Variants in ARHGAP32 observed in about 807,000 individuals in gnomAD.
ARHGAP32 encodes Rho GTPase activating protein 32.
Under a neutral mutation model 186.5 loss-of-function variants are expected in ARHGAP32, and 51 were observed. The ratio of observed to expected loss-of-function variants is 0.27; its 90% confidence interval spans 0.22 to 0.35. The LOEUF (loss-of-function observed/expected upper bound fraction) is 0.35. Among genes scored for constraint, ARHGAP32 ranks in the 10% least tolerant of loss-of-function variants. The probability of loss-of-function intolerance (pLI) is 1.00; values close to 1 mark genes in which losing one functional copy is unlikely to be tolerated. For synonymous variants in ARHGAP32, 950 were observed against 964.3 expected, an observed-to-expected ratio of 0.99 and a Z score of 0.27; for missense variants, 2,186 against 2,623.5, an observed-to-expected ratio of 0.83 and a Z score of 3.64.
rs138649304 is a variant in ARHGAP32, at chr11:128,970,542, G to T, written c.4671C>A (p.Asn1557Lys). 37 of 1,614,172 alleles carry T rather than the reference G, an allele frequency of 2.3e-5. No individual in the cohort carries two copies. The highest frequency in any genetic ancestry group is 3.1e-5 in the Non-Finnish European group (37 of 1,180,026). The change falls in exon 23 of 23, where the codon AAC becomes AAA. Residue 1557 changes from asparagine to lysine, a missense_variant. By Grantham distance (94) the Asn-to-Lys change is moderately conservative (BLOSUM62 0). Transcript: ENST00000682385. This position sits in a 1 kb window ranked among gnomAD's most constrained non-coding sequence, Gnocchi z 5.8. Reference protein sequence around the residue: ...RYNTYVAPGRNASGHHSKPCS... With the variant: ...RYNTYVAPGRKASGHHSKPCS... ...ATGGCTTGGAGTGGTGTCCAGATGC[G>T]TTTCTTCCTGGGGCCACATATGTGT...
At chr11:128,991,593 A>AC (rs1946054329) in intron 12 of ARHGAP32, among the ~76,000 whole-genome samples, 1 of 152,180 alleles carries the variant, frequency 6.6e-6, no homozygotes, top group Admixed American at 6.5e-5. Context: ...CATCTAACAA[A>AC]CCAGCCAAAT....
chr11:129,255,867 G>A (rs1219074156), intron 1 of ARHGAP32, among the ~76,000 whole-genome samples: 1 of 152,064 alleles, frequency 6.6e-6, no homozygotes, highest in Non-Finnish European at 1.5e-5. Flanking sequence ...TCAACAGAAT[G>A]CTTACGTATG....
chr11:129,235,072 CAAT>C (rs1233369744), intron 1 of ARHGAP32, among the ~76,000 whole-genome samples: 4 of 152,112 alleles, frequency 2.6e-5, no homozygotes, highest in Non-Finnish European at 5.9e-5. Flanking sequence ...CTAAATCCAA[CAAT>C]AATTATCCTT....
In ARHGAP32 at chr11:129,001,191, T is replaced by C. The variant is rs887161786; in HGVS notation, c.1046-2723A>G. On this transcript the variant is annotated intron_variant, in intron 11 of 22. Coordinates refer to ENST00000682385, the MANE Select transcript of ARHGAP32 (RefSeq NM_001378024.1). Reference sequence around the variant, plus strand: ...GTATAGTAGTTCTATTTTTAGTTTTTTGAGGACCCTCAAACTATTCTCTAT... The same window carrying C: ...GTATAGTAGTTCTATTTTTAGTTTTCTGAGGACCCTCAAACTATTCTCTAT... Among the ~76,000 whole-genome samples, 3 of 152,224 alleles carry C rather than the reference T, an allele frequency of 2.0e-5. No homozygotes were observed. In the East Asian group the frequency reaches 5.8e-4, roughly 29 times the overall value.
At chr11:129,047,638 C>A (rs1214932035) in intron 10 of ARHGAP32, among the ~76,000 whole-genome samples, 2 of 152,080 alleles carry the variant, frequency 1.3e-5, no homozygotes, top group African/African-American at 2.4e-5. Flanking sequence ...AATCACATCA[C>A]TAAGGAGATT....
At chr11:129,199,282 G>A (rs1012137214) in intron 1 of ARHGAP32, among the ~76,000 whole-genome samples, 3 of 152,230 alleles carry the variant, frequency 2.0e-5, no homozygotes, top group African/African-American at 7.2e-5. Context: ...AAGTAACAAG[G>A]AGCCTAATGT....
At chr11:129,065,079 AGCACTATGG>A in intron 7 of ARHGAP32, 146 bp from the exon 8 acceptor site, 1 of 616,014 alleles carries the variant, frequency 1.6e-6, no homozygotes. Flanking sequence ...ACTTACCAGT[AGCACTATGG>A]GCACTTACAT....
At chr11:129,112,281 G>A (rs1942243088) in intron 5 of ARHGAP32, among the ~76,000 whole-genome samples, 1 of 151,948 alleles carries the variant, frequency 6.6e-6, no homozygotes, top group Non-Finnish European at 1.5e-5. Context: ...ACTGATGGAG[G>A]TTCCTTTATA....
At chr11:129,006,638 C>T (rs746903545) in intron 11 of ARHGAP32, among the ~76,000 whole-genome samples, 6 of 152,296 alleles carry the variant, frequency 3.9e-5, no homozygotes, top group South Asian at 2.1e-4. Context: ...AACAAGCACC[C>T]CTGTGGCCAC....
chr11:129,005,083 C>T (rs919422621), intron 11 of ARHGAP32, among the ~76,000 whole-genome samples: 6 of 152,010 alleles, frequency 3.9e-5, no homozygotes, highest in Admixed American at 3.9e-4. Context: ...GCAAATACTA[C>T]CTTATACTCA....
chr11:129,129,201 G>A (rs1337595447), intron 2 of ARHGAP32, among the ~76,000 whole-genome samples: 4 of 141,124 alleles, frequency 2.8e-5, no homozygotes, highest in Admixed American at 6.8e-5. Context: ...CAGCCGCACC[G>A]TCTGGGAAGT....
chr11:129,025,738 A>G (rs975848395), intron 11 of ARHGAP32, among the ~76,000 whole-genome samples: 1 of 151,642 alleles, frequency 6.6e-6, no homozygotes, highest in Non-Finnish European at 1.5e-5. Context: ...ACTGTAGAAA[A>G]GCCATTTGGG....
chr11:129,093,800 C>G (rs1445689002), intron 5 of ARHGAP32, 93 bp from the exon 6 acceptor site: 1 of 849,082 alleles, frequency 1.2e-6, no homozygotes, highest in Non-Finnish European at 1.9e-6. Flanking sequence ...AGCATCATCT[C>G]CGGGTGAGCA....
At chr11:128,994,020 A>G (rs989047050) in intron 12 of ARHGAP32, among the ~76,000 whole-genome samples, 1 of 152,188 alleles carries the variant, frequency 6.6e-6, no homozygotes, top group African/African-American at 2.4e-5. Context: ...GAAGTGATAT[A>G]ATAGCCTCTG....
intron 2 of ARHGAP32, among the ~76,000 whole-genome samples, chr11:129,144,234 T>G (rs1412218470): frequency 6.6e-6 from 1 of 152,090 alleles, no homozygotes; most frequent in African/African-American, 2.4e-5. Flanking sequence ...TGTACAGTAC[T>G]AAGGAAAAAA....
intron 2 of ARHGAP32, among the ~76,000 whole-genome samples, chr11:129,155,036 T>A (rs977319826): frequency 1.3e-5 from 2 of 152,196 alleles, no homozygotes; most frequent in Admixed American, 6.5e-5. Flanking sequence ...CTACTGACAT[T>A]TGAAAACTAA....
upstream of ARHGAP32, among the ~76,000 whole-genome samples, chr11:129,193,590 AT>A (rs1944325946): frequency 5.8e-5 from 3 of 51,316 alleles, no homozygotes; most frequent in Non-Finnish European, 1.1e-4. Context: ...ATTATATAAT[AT>A]ATGTTATATA....
At chr11:129,038,812 T>C (rs1210369836) in intron 11 of ARHGAP32, among the ~76,000 whole-genome samples, 1 of 141,386 alleles carries the variant, frequency 7.1e-6, no homozygotes, top group Non-Finnish European at 1.5e-5. Flanking sequence ...ATTTGAGGCC[T>C]GGAGTTGAGG....
At chr11:128,978,715 A>AACAACCG in intron 19 of ARHGAP32, 55 bp downstream of exon 19, 1 of 1,544,010 alleles carries the variant, frequency 6.5e-7, no homozygotes, top group Non-Finnish European at 8.7e-7. Flanking sequence ...ACGTGCCCAG[A>AACAACCG]ACAACCGAAG....
Sources: gnomAD v4.1 joint callset for allele counts (sites outside exome capture counted in the v4.1 genomes callset) on GRCh38, gnomAD v4.1.1 for gene constraint, Gnocchi (gnomAD v3.1) non-coding constraint, MANE v1.5 for transcripts, NCBI Gene and HGNC (gene_info 2026-07-23, HGNC 2026-07-21) for gene names.